LAMA3: variants seen among roughly 807,000 people sequenced by gnomAD.
The protein encoded by LAMA3 is laminin subunit alpha 3.
In LAMA3, 281 loss-of-function variants were observed where a neutral mutation model predicts 402.0. The observed-to-expected ratio is 0.70, with a 90% CI of 0.63 to 0.77. The LOEUF (loss-of-function observed/expected upper bound fraction) is 0.77. Ranked by LOEUF, LAMA3 falls within the 30% of genes least tolerant of loss-of-function variation. The pLI is 0.00. For missense variants in LAMA3, 3,840 were observed against 4,215.5 expected (o/e 0.91, Z 2.47); for synonymous variants, 1,431 against 1,558.4 (o/e 0.92, Z 1.93).
chr18:23,902,892 A>G (rs2081120483), intron 48 of LAMA3, 117 bp from the exon 49 acceptor site: 3 of 746,018 alleles, frequency 4.0e-6, no homozygotes, highest in East Asian at 2.5e-5. Context: ...GACAATGTTC[A>G]GGTTCAAGAA....
At chr18:23,698,773 G>T (rs2060734952) in intron 1 of LAMA3, among the ~76,000 whole-genome samples, 1 of 152,190 alleles carries the variant, frequency 6.6e-6, no homozygotes, top group South Asian at 2.1e-4. Flanking sequence ...TCTACTATGT[G>T]CCAGGTATAG....
At chr18:23,953,325 G>GTTTTTTTTTTTGTTTTTTTTTT (rs1568386187) in intron 74 of LAMA3, among the ~76,000 whole-genome samples, 3 of 133,988 alleles carry the variant, frequency 2.2e-5, no homozygotes, top group Non-Finnish European at 4.7e-5. Flanking sequence ...CTGTAATTTT[G>GTTTTTTTTTTTGTTTTTTTTTT]TTTTTTTTTT....
At chr18:23,920,036 G>T (rs1157677474) in intron 60 of LAMA3, among the ~76,000 whole-genome samples, 2 of 152,062 alleles carry the variant, frequency 1.3e-5, no homozygotes, top group South Asian at 2.1e-4. Context: ...TGATTCCTAG[G>T]TTATGATAAA....
At chr18:23,849,553 A>G (rs908623398) in intron 32 of LAMA3, among the ~76,000 whole-genome samples, 1 of 152,246 alleles carries the variant, frequency 6.6e-6, no homozygotes, top group Admixed American at 6.5e-5. Flanking sequence ...GTCACAGAAA[A>G]AGAAAACCAA....
At chr18:23,756,739 G>C (rs1889066755) in intron 6 of LAMA3, among the ~76,000 whole-genome samples, 1 of 152,190 alleles carries the variant, frequency 6.6e-6, no homozygotes, top group African/African-American at 2.4e-5. Context: ...AAGAACTCCA[G>C]AATCCTGGTG....
At chr18:23,835,446 A>T (rs1297036025) in intron 24 of LAMA3, among the ~76,000 whole-genome samples, 1 of 152,228 alleles carries the variant, frequency 6.6e-6, no homozygotes, top group Non-Finnish European at 1.5e-5. Context: ...GTGTTGTTTC[A>T]TGACCTAAGT....
At chr18:23,889,699 AGG>A (rs879861572) in intron 41 of LAMA3, among the ~76,000 whole-genome samples, 167 of 34,804 alleles carry the variant, frequency 4.8e-3, no homozygotes, top group Non-Finnish European at 0.013. Context: ...GAAGGAAGGG[AGG>A]GAGGAAGGGA....
intron 18 of LAMA3, among the ~76,000 whole-genome samples, chr18:23,817,361 T>C (rs115876546): frequency 0.05 from 7,548 of 152,294 alleles, 430 homozygotes; most frequent in Admixed American, 0.17. Context: ...AACAGATTTA[T>C]AAAGAAATTT....
At chr18:23,932,355 T>C in intron 66 of LAMA3, 64 bp downstream of exon 66, 1 of 1,571,520 alleles carries the variant, frequency 6.4e-7, no homozygotes, top group Non-Finnish European at 8.7e-7. Flanking sequence ...GGGTATCTCT[T>C]TGGTCCAGTT....
chr18:23,763,189 T>G (rs903971046), intron 7 of LAMA3, among the ~76,000 whole-genome samples: 1 of 152,084 alleles, frequency 6.6e-6, no homozygotes, highest in African/African-American at 2.4e-5. Context: ...AAAGAGAAAC[T>G]TCGCTCATGG....
intron 40 of LAMA3, among the ~76,000 whole-genome samples, chr18:23,883,006 A>T (rs986395936): frequency 1.3e-5 from 2 of 152,342 alleles, no homozygotes; most frequent in African/African-American, 4.8e-5. Context: ...AGAGGAAGCC[A>T]TGGCAGTATT....
At chr18:23,878,000 C>A (rs1255700414) in intron 39 of LAMA3, among the ~76,000 whole-genome samples, 6 of 152,096 alleles carry the variant, frequency 3.9e-5, no homozygotes, top group African/African-American at 1.4e-4. Context: ...GCAATCCCAG[C>A]TACTTGGGAG....
At chr18:23,749,972 AGG>A (rs1462352075) in intron 4 of LAMA3, among the ~76,000 whole-genome samples, 8 of 152,162 alleles carry the variant, frequency 5.3e-5, no homozygotes, top group Non-Finnish European at 1.0e-4. Context: ...GACCAGATGT[AGG>A]GGATCCAGAG....
In LAMA3 at chr18:23,931,942, G is replaced by A. The variant is rs77047422; in HGVS notation, c.8577-218G>A. Among the ~76,000 whole-genome samples the A allele has an allele frequency of 4.3e-4, 66 of 152,306 alleles. No individual in the cohort carries two copies. In the East Asian group the frequency reaches 0.012, roughly 27 times the overall value. ...CTCTCATAACACAGTCTTTCAAAAC[G>A]CCATCTTTGGCAAGATACACCCATT... On this transcript the variant is annotated intron_variant, in intron 65 of 74. Transcript: ENST00000313654.
At position 23,819,908 on chromosome 18, in the gene LAMA3, C is replaced by T. The variant is rs2063250536; in HGVS notation, c.2215C>T (p.Pro739Ser). The T allele has an allele frequency of 3.7e-6, 6 of 1,614,040 alleles. No individual in the cohort carries two copies. Among genetic ancestry groups the T allele is most frequent in the Non-Finnish European group, 5.1e-6 (6 of 1,179,926 alleles). ...GTATGAGATTGAAGACGGCAGCACA[C>T]CTAATGGGAGAGACCTTCGATTTGG... ...MKYEIEDGSTPNGRDLRFGFD... is the reference protein window; with the variant it reads ...MKYEIEDGSTSNGRDLRFGFD... Residue 739 changes from proline to serine, a missense_variant, in exon 19 of 75, where the codon CCT (proline) becomes TCT (serine). This residue lies in a region of LAMA3 where 2,109 missense variants were observed against 2,376.0 expected (regional missense o/e 0.89). Coordinates refer to ENST00000313654, the MANE Select transcript of LAMA3 (RefSeq NM_198129.4).
intron 2 of LAMA3, among the ~76,000 whole-genome samples, chr18:23,722,802 C>G (rs958445533): frequency 6.6e-6 from 1 of 152,272 alleles, no homozygotes; most frequent in Admixed American, 6.5e-5. Flanking sequence ...AAATGATAAA[C>G]GGAGGTCACT....
At chr18:23,878,902 T>A (rs1316891274) in intron 39 of LAMA3, among the ~76,000 whole-genome samples, 1 of 152,122 alleles carries the variant, frequency 6.6e-6, no homozygotes. Flanking sequence ...GGACCTGCGA[T>A]GATGGCCTCC....
Position 23,761,745 on chromosome 18 carries a change from A to T in LAMA3, c.1064-1660A>T, listed in dbSNP as rs150677948. On this transcript the variant is annotated intron_variant, in intron 7 of 74. Coordinates refer to ENST00000313654, the MANE Select transcript of LAMA3 (RefSeq NM_198129.4). ...TTTTATTTTATTGAATTTTGTATGT[A>T]TAAAACATGCCAGTAAAATAAAGAA... 7.1e-4 allele frequency among the ~76,000 whole-genome samples: 108 copies of T among 152,336 alleles called. 1 individual carries two copies. The highest frequency in any genetic ancestry group is 1.3e-3 in the Non-Finnish European group (87 of 68,020).
intron 27 of LAMA3, among the ~76,000 whole-genome samples, chr18:23,840,514 C>T (rs1421910851): frequency 6.6e-6 from 1 of 151,186 alleles, no homozygotes; most frequent in Non-Finnish European, 1.5e-5. Context: ...TCCCAAGTAG[C>T]TGGGACTAGA....
Sources: gnomAD v4.1 joint callset for allele counts (sites outside exome capture counted in the v4.1 genomes callset) on GRCh38, gnomAD v4.1.1 for gene constraint, gnomAD v4.1.1 regional missense constraint, MANE v1.5 for transcripts, NCBI Gene and HGNC (gene_info 2026-07-23, HGNC 2026-07-21) for gene names.